Variants in CACNA1C observed in about 807,000 individuals in gnomAD.
The protein encoded by CACNA1C is calcium voltage-gated channel subunit alpha1 C, also known as voltage-dependent L-type calcium channel subunit alpha-1C.
Under a neutral mutation model 229.0 loss-of-function variants are expected in CACNA1C, and 30 were observed. That is an observed-to-expected ratio of 0.13 (90% CI 0.10 to 0.18). The LOEUF (loss-of-function observed/expected upper bound fraction) is 0.18, where lower values mean the gene tolerates loss of function less well. Among genes scored for constraint, CACNA1C ranks in the 10% least tolerant of loss-of-function variants. The pLI, the probability that CACNA1C is intolerant of heterozygous loss-of-function variation, is 1.00. For missense variants in CACNA1C, 1,658 were observed against 2,845.0 expected, an observed-to-expected ratio of 0.58 and a Z score of 9.49; for synonymous variants, 1,114 against 1,132.5, an observed-to-expected ratio of 0.98 and a Z score of 0.33.
In CACNA1C at chr12:2,630,239, T is replaced by C. The variant is rs2089709550; in HGVS notation, c.3829-4058T>C. Among the ~76,000 whole-genome samples the C allele has an allele frequency of 6.6e-6, 1 of 152,176 alleles. No individual in the cohort carries two copies. The highest frequency in any genetic ancestry group is 2.4e-5 in the African/African-American group (1 of 41,434). ...TAACCAGACTCCAGGTCAGACTGATTTCGTAAGACGTGTATGATTTTTTTC... is the reference window on the plus strand; with the variant it reads ...TAACCAGACTCCAGGTCAGACTGATCTCGTAAGACGTGTATGATTTTTTTC... On this transcript the variant is annotated intron_variant, in intron 29 of 46. Transcript: ENST00000399655. The surrounding 1 kb of genome is among the most constrained non-coding windows in gnomAD (Gnocchi z 5.4).
At chr12:2,300,009 A>G (rs2094432139) in intron 3 of CACNA1C, among the ~76,000 whole-genome samples, 1 of 152,270 alleles carries the variant, frequency 6.6e-6, no homozygotes, top group Admixed American at 6.5e-5. Flanking sequence ...TAACTCAGAT[A>G]GAAGCTACAC....
At position 1,996,616 on chromosome 12, in the gene CACNA1C, TAAAAAAAAAAAAAAAAAAAAA is replaced by T. The variant is rs78563698; in HGVS notation, c.139+25434_139+25454del. 7.4e-4 allele frequency among the ~76,000 whole-genome samples: 14 copies of T among 18,844 alleles called. 1 individual carries two copies. The South Asian group carries it at 0.026, about 35-fold the overall frequency. 12.4% of individuals were successfully genotyped at this position (18,844 alleles called of 152,430 possible). ...AATACACTAATAATAGCTGATGAGC[TAAAAAAAAAAAAAAAAAAAAA>T]AAAAAAAAAAAAAAAAAACAACAAA... is the stretch of plus-strand genomic sequence containing the variant. On this transcript the variant is annotated intron_variant, in intron 1 of 46. Transcript: ENST00000682462.
intron 1 of CACNA1C, chr12:1,993,011 T>C (rs1056739900): frequency 3.1e-6 from 2 of 643,450 alleles, no homozygotes; most frequent in Non-Finnish European, 2.7e-6. Flanking sequence ...GGGTTCACAC[T>C]ACAAATCCAT....
chr12:2,375,805 A>G lies in CACNA1C; in HGVS notation c.478-73171A>G, dbSNP rs142972543. 6.7e-3 allele frequency among the ~76,000 whole-genome samples: 1,027 copies of G among 152,306 alleles called. 5 individuals carry two copies. The highest frequency in any genetic ancestry group is 0.024 in the African/African-American group (981 of 41,544). ...ATAATCCATGGAGAGTCTTTAGCCC[A>G]CTGGTTCTGCCCAGAGCTCACTGGT... On this transcript the variant is annotated intron_variant, in intron 3 of 46. Transcript: ENST00000399655.
At chr12:2,160,071 A>G (rs760310637) in intron 3 of CACNA1C, among the ~76,000 whole-genome samples, 2 of 151,990 alleles carry the variant, frequency 1.3e-5, no homozygotes, top group Admixed American at 6.6e-5. Flanking sequence ...CTGGGATCCT[A>G]TTTAATTTGC....
chr12:2,526,843 A>G (rs2099819297), intron 9 of CACNA1C, among the ~76,000 whole-genome samples: 2 of 152,232 alleles, frequency 1.3e-5, no homozygotes, highest in African/African-American at 4.8e-5. Context: ...GTCCATTGCA[A>G]TTTAGAATTA....
chr12:2,128,272 A>G (rs905484473), intron 3 of CACNA1C, among the ~76,000 whole-genome samples: 2 of 152,164 alleles, frequency 1.3e-5, no homozygotes, highest in African/African-American at 4.8e-5. Context: ...TGAGTATCCA[A>G]TGAAGTATAT....
intron 3 of CACNA1C, among the ~76,000 whole-genome samples, chr12:2,137,360 A>G (rs2093641171): frequency 2.0e-5 from 3 of 151,284 alleles, no homozygotes; most frequent in Middle Eastern, 3.4e-3. Flanking sequence ...GCAAGGGCAA[A>G]TGAGAATATA....
chr12:2,653,985 C>T lies in CACNA1C; in HGVS notation c.4140+85C>T, dbSNP rs534773493. 44 of 1,070,136 alleles carry T rather than the reference C, an allele frequency of 4.1e-5. No homozygotes were observed. The East Asian group carries it at 8.3e-4, about 20-fold the overall frequency. 66.3% of individuals were successfully genotyped at this position (1,070,136 alleles called of 1,614,324 possible). On this transcript the variant is annotated intron_variant, in intron 33 of 46. Transcript: ENST00000399655. The surrounding 1 kb of genome is among the most constrained non-coding windows in gnomAD (Gnocchi z 4.7). ...GCACCACATTCCCTAACGCCTTCCT[C>T]CCTCCCTTCTCCCTTTCATTCCTGA...
In CACNA1C at chr12:2,085,713, C is replaced by T. The variant is rs2283278; in HGVS notation, c.50-29511C>T. On this transcript the variant is annotated intron_variant, in intron 1 of 46. Coordinates refer to ENST00000399655, the MANE Select transcript of CACNA1C (RefSeq NM_000719.7). ...ACTCCTGGCCTGACTCCTTCTAGCC[C>T]TCATCCTGTACTGTGTCACCAGGAA... is the stretch of plus-strand genomic sequence containing the variant. 0.014 allele frequency among the ~76,000 whole-genome samples: 2,059 copies of T among 152,244 alleles called. 108 individuals are homozygous for T. In the East Asian group the frequency reaches 0.18, roughly 13 times the overall value.
chr12:2,593,089 C>G (rs2066234328), intron 18 of CACNA1C, 124 bp from the exon 19 acceptor site: 3 of 1,063,512 alleles, frequency 2.8e-6, no homozygotes, highest in Non-Finnish European at 4.0e-6. Context: ...AGCAGAATGT[C>G]TGTCTTGGTT....
At chr12:2,669,102 G>A (rs566436898) in intron 38 of CACNA1C, 67 bp downstream of exon 38, 10 of 1,134,444 alleles carry the variant, frequency 8.8e-6, no homozygotes, top group East Asian at 4.7e-5. Context: ...AGAGGAGCTC[G>A]GCAGCCTGCA....
chr12:2,120,189 C>T (rs1424937420), intron 2 of CACNA1C, 136 bp from the exon 3 acceptor site: 1 of 669,992 alleles, frequency 1.5e-6, no homozygotes, highest in Non-Finnish European at 2.7e-6. Flanking sequence ...TGTTTCTTTT[C>T]AGAATACAAG....
chr12:1,995,090 G>C (rs575648380), intron 1 of CACNA1C, among the ~76,000 whole-genome samples: 1 of 152,212 alleles, frequency 6.6e-6, no homozygotes, highest in South Asian at 2.1e-4. Flanking sequence ...TCAATTTAAT[G>C]TTTTGTTTAA....
intron 5 of CACNA1C, among the ~76,000 whole-genome samples, chr12:2,462,735 A>G (rs2099519197): frequency 6.6e-6 from 1 of 152,150 alleles, no homozygotes; most frequent in African/African-American, 2.4e-5. Flanking sequence ...TGGCTTTTCC[A>G]AAGGGTCTTT....
intron 3 of CACNA1C, among the ~76,000 whole-genome samples, chr12:2,376,225 C>A (rs1266352918): frequency 6.6e-6 from 1 of 152,186 alleles, no homozygotes; most frequent in South Asian, 2.1e-4. Flanking sequence ...ATGGAGGACA[C>A]TCTAGATCAG....
At chr12:2,196,925 G>C (rs372278755) in intron 3 of CACNA1C, among the ~76,000 whole-genome samples, 37 of 152,202 alleles carry the variant, frequency 2.4e-4, no homozygotes, top group African/African-American at 6.3e-4. Context: ...TAGGAGCCAG[G>C]GGGGCTGGGG....
At chr12:2,509,100 G>C (rs1031081476) in intron 8 of CACNA1C, among the ~76,000 whole-genome samples, 1 of 152,210 alleles carries the variant, frequency 6.6e-6, no homozygotes, top group African/African-American at 2.4e-5. Flanking sequence ...TACATAGGTA[G>C]TCATCCCATC....
chr12:2,371,821 C>G (rs547479198), intron 3 of CACNA1C, among the ~76,000 whole-genome samples: 1 of 150,050 alleles, frequency 6.7e-6, no homozygotes, highest in African/African-American at 2.5e-5. Context: ...CTTTCCAGAT[C>G]CACATTTCTA....
Sources: gnomAD v4.1 joint callset for allele counts (sites outside exome capture counted in the v4.1 genomes callset) on GRCh38, gnomAD v4.1.1 for gene constraint, Gnocchi (gnomAD v3.1) non-coding constraint, MANE v1.5 for transcripts, NCBI Gene and HGNC (gene_info 2026-07-23, HGNC 2026-07-21) for gene names.